EXOC5: variants seen among roughly 807,000 people sequenced by gnomAD.
EXOC5 encodes the protein exocyst complex component 5.
In EXOC5, 17 loss-of-function variants were observed where a neutral mutation model predicts 90.8. The observed-to-expected ratio is 0.19, with a 90% CI of 0.13 to 0.28. The LOEUF is 0.28. Among genes scored for constraint, EXOC5 ranks in the 10% least tolerant of loss-of-function variants. The probability of loss-of-function intolerance (pLI) is 1.00; values close to 1 mark genes in which losing one functional copy is unlikely to be tolerated. For missense variants in EXOC5, 569 were observed against 830.6 expected (o/e 0.69, Z 3.87); for synonymous variants, 260 against 270.0 (o/e 0.96, Z 0.36).
At chr14:57,233,059 A>G (rs1458981996) in intron 9 of EXOC5, 2 of 190,316 alleles carry the variant, frequency 1.1e-5, no homozygotes, top group Non-Finnish European at 2.1e-5. Flanking sequence ...CAAACAATAG[A>G]GTCAATTCCT....
intron 1 of EXOC5, among the ~76,000 whole-genome samples, chr14:57,255,693 T>C (rs915248046): frequency 6.6e-6 from 1 of 151,966 alleles, no homozygotes; most frequent in Admixed American, 6.6e-5. Flanking sequence ...ATTAGCTGGG[T>C]TGGTGGTGGG....
intron 3 of EXOC5, among the ~76,000 whole-genome samples, chr14:57,245,536 G>C (rs560522968): frequency 6.6e-6 from 1 of 152,164 alleles, no homozygotes; most frequent in East Asian, 1.9e-4. Flanking sequence ...TTATTACCAA[G>C]GGAAAACTGC....
At chr14:57,229,926 T>C (rs529284480) in intron 11 of EXOC5, 45 bp from the exon 12 acceptor site, 3 of 1,246,690 alleles carry the variant, frequency 2.4e-6, no homozygotes, top group Admixed American at 2.7e-5. Context: ...ACATTTTACT[T>C]AGATTTCAAC....
intron 15 of EXOC5, among the ~76,000 whole-genome samples, chr14:57,217,675 A>G (rs567697915): frequency 6.6e-6 from 1 of 152,278 alleles, no homozygotes; most frequent in South Asian, 2.1e-4. Context: ...CAATAATCCT[A>G]CAATGGCCTC....
In EXOC5 at chr14:57,229,858, A is replaced by G; in HGVS notation, c.1172T>C (p.Ile391Thr). The G allele has an allele frequency of 6.7e-7, 1 of 1,485,532 alleles. No homozygotes were observed. The highest frequency in any genetic ancestry group is 9.1e-7 in the Non-Finnish European group (1 of 1,101,822). The allele number at this position is 1,485,532 out of a possible 1,614,324, so 92.0% of individuals were successfully genotyped here. The change falls in exon 12 of 18, where the codon ATT becomes ACT. Residue 391 changes from isoleucine to threonine, a missense_variant. Coordinates refer to ENST00000621441, the MANE Select transcript of EXOC5 (RefSeq NM_006544.4). ...AAGTGGTAAGTTGGTACGCTGTCTA[A>G]TTCTTTCCTTCAAATCTTGAATACT... ...TGGIQDLKERIRQRTNLPLGP... is the reference protein window; with the variant it reads ...TGGIQDLKERTRQRTNLPLGP...
Position 57,248,812 on chromosome 14 carries a change from T to G in EXOC5, c.28-1100A>C, listed in dbSNP as rs564500853. 2.6e-4 allele frequency among the ~76,000 whole-genome samples: 40 copies of G among 152,214 alleles called. 1 individual carries two copies. The highest frequency in any genetic ancestry group is 3.4e-3 in the Middle Eastern group (1 of 294). On this transcript the variant is annotated intron_variant, in intron 1 of 17. Coordinates refer to ENST00000621441, the MANE Select transcript of EXOC5 (RefSeq NM_006544.4). ...TTGAGAATTAAGTCCCAAGGATGAATTAATATCCTTCAAAGTAAAAAATAT... is the reference window on the plus strand; with the variant it reads ...TTGAGAATTAAGTCCCAAGGATGAAGTAATATCCTTCAAAGTAAAAAATAT...
chr14:57,241,234 T>A (rs927555785), intron 4 of EXOC5, among the ~76,000 whole-genome samples: 3 of 152,214 alleles, frequency 2.0e-5, no homozygotes, highest in Admixed American at 2.0e-4. Context: ...TCTCCCTTCT[T>A]GCTCCAAATT....
chr14:57,223,025 AC>A (rs1883200597), intron 12 of EXOC5, among the ~76,000 whole-genome samples: 1 of 152,082 alleles, frequency 6.6e-6, no homozygotes, highest in Admixed American at 6.6e-5. Context: ...GATTAAGTGA[AC>A]CTTTGAGATG....
Position 57,231,526 on chromosome 14 carries a change from C to T in EXOC5, c.1128G>A (p.Lys376=), listed in dbSNP as rs1217034132. The T allele has an allele frequency of 2.5e-6, 4 of 1,610,830 alleles. No homozygotes were observed. The highest frequency in any genetic ancestry group is 3.4e-6 in the Non-Finnish European group (4 of 1,179,382). ...CTCACCCTCCTGTGCCAATGGATCTCTTTTGATGGTTTTTCGAATCATAAT... is the reference window on the plus strand; with the variant it reads ...CTCACCCTCCTGTGCCAATGGATCTTTTTTGATGGTTTTTCGAATCATAAT... ...QRYYDSKNHQ[K]RSIGTGGIQD... The change falls in exon 11 of 18, where the codon AAG becomes AAA. Residue 376 remains lysine, a synonymous_variant. Coordinates refer to ENST00000621441, the MANE Select transcript of EXOC5 (RefSeq NM_006544.4).
At chr14:57,256,526 A>T (rs1054933434) in intron 1 of EXOC5, among the ~76,000 whole-genome samples, 5 of 152,130 alleles carry the variant, frequency 3.3e-5, no homozygotes, top group African/African-American at 9.7e-5. Context: ...ATGAGACCCA[A>T]CCAGAATGTC....
intron 3 of EXOC5, among the ~76,000 whole-genome samples, chr14:57,245,425 A>T (rs1188847177): frequency 1.3e-5 from 2 of 152,192 alleles, no homozygotes; most frequent in East Asian, 3.8e-4. Flanking sequence ...CTGAGCCATG[A>T]AAAGGTTAAA....
intron 11 of EXOC5, 46 bp downstream of exon 11, chr14:57,231,460 A>G: frequency 7.6e-7 from 1 of 1,312,816 alleles, no homozygotes; most frequent in Non-Finnish European, 1.1e-6. Flanking sequence ...TAATGAAGTT[A>G]TTAATGTCTT....
intron 11 of EXOC5, 34 bp downstream of exon 11, chr14:57,231,472 A>G (rs974876913): frequency 7.1e-7 from 1 of 1,407,180 alleles, no homozygotes; most frequent in Non-Finnish European, 9.9e-7. Flanking sequence ...TAATGTCTTC[A>G]GTTTTAACAG....
chr14:57,255,954 A>T (rs1176085492), intron 1 of EXOC5, among the ~76,000 whole-genome samples: 2 of 152,132 alleles, frequency 1.3e-5, no homozygotes, highest in Non-Finnish European at 2.9e-5. Context: ...TGGCAACAAG[A>T]GGTAAAAGCA....
rs774072103 is a variant in EXOC5 at position 57,222,308 on chromosome 14, C to G, written c.1405G>C (p.Gly469Arg). 1.4e-6 allele frequency: 2 copies of G among 1,444,680 alleles called. No homozygotes were observed. The highest frequency in any genetic ancestry group is 2.5e-5 in the South Asian group (2 of 80,574). 89.5% of individuals were successfully genotyped at this position (1,444,680 alleles called of 1,614,324 possible). The change falls in exon 13 of 18, where the codon GGA (glycine) becomes CGA (arginine). Residue 469 changes from glycine to arginine, a missense_variant and splice_region_variant. Gly to Arg is a moderately radical substitution (Grantham distance 125). Transcript: ENST00000621441. ...ACAAGTGTAACACAAATATACTTACCAGCAAGTCCTGTTTCCAAAGCATAA... is the reference window on the plus strand; with the variant it reads ...ACAAGTGTAACACAAATATACTTACGAGCAAGTCCTGTTTCCAAAGCATAA... ...IDYALETGLAGIPSSDSRNAN... is the reference protein window; with the variant it reads ...IDYALETGLARIPSSDSRNAN...
In EXOC5 at chr14:57,229,820, C is replaced by T. The variant is rs745842063; in HGVS notation, c.1210G>A (p.Asp404Asn). 9.4e-5 allele frequency: 143 copies of T among 1,528,256 alleles called. No individual in the cohort carries two copies. The Admixed American group carries it at 2.1e-3, about 22-fold the overall frequency. The allele number at this position is 1,528,256 out of a possible 1,614,324, so 94.7% of individuals were successfully genotyped here. The change falls in exon 12 of 18, where the codon GAT becomes AAT. Residue 404 changes from aspartate (D) to asparagine (N), a missense_variant. Transcript: ENST00000621441. ...RTNLPLGPSI[D>N]THGETFLSQE... The stretch of plus-strand genomic sequence containing the variant: ...GATAGAAAAGTCTCCCCATGAGTAT[C>T]GATACTTGGCCCAAGTGGTAAGTTG...
chr14:57,213,694 TG>T (rs1882891640), intron 15 of EXOC5, among the ~76,000 whole-genome samples: 1 of 151,848 alleles, frequency 6.6e-6, no homozygotes, highest in African/African-American at 2.4e-5. Flanking sequence ...ACAGGCTGAG[TG>T]CAGTAGTTCA....
At chr14:57,242,089 C>T (rs1444081221) in intron 4 of EXOC5, among the ~76,000 whole-genome samples, 30 of 146,378 alleles carry the variant, frequency 2.0e-4, no homozygotes, top group African/African-American at 7.1e-4. Context: ...GCCGAGATTG[C>T]GCCACTGCAC....
intron 1 of EXOC5, among the ~76,000 whole-genome samples, chr14:57,261,345 A>G (rs1183553113): frequency 6.6e-6 from 1 of 152,234 alleles, no homozygotes; most frequent in Non-Finnish European, 1.5e-5. Flanking sequence ...ATTTTAGATT[A>G]ATTACACACA....
Sources: allele counts gnomAD v4.1 joint callset (sites outside exome capture counted in the v4.1 genomes callset), GRCh38; gene constraint gnomAD v4.1.1; transcripts MANE v1.5; gene names NCBI Gene and HGNC (gene_info 2026-07-23, HGNC 2026-07-21).